EIF3K: variants seen among roughly 807,000 people sequenced by gnomAD.
EIF3K encodes the protein eukaryotic translation initiation factor 3 subunit K, also known as eIF-3 p28.
EIF3K carries 27 observed loss-of-function variants against 34.2 expected under a neutral mutation model. The ratio of observed to expected loss-of-function variants is 0.79; its 90% CI spans 0.58 to 1.09. EIF3K has a LOEUF of 1.09. EIF3K is among the 50% of genes least tolerant of loss of function. The probability of loss-of-function intolerance (pLI) is 0.00; values close to 1 mark genes in which losing one functional copy is unlikely to be tolerated. For missense variants in EIF3K, 232 were observed against 275.4 expected (o/e 0.84, Z 1.11); for synonymous variants, 105 against 105.7 (o/e 0.99, Z 0.04).
chr19:38,630,055 C>T (rs907020222), intron 4 of EIF3K, among the ~76,000 whole-genome samples: 5 of 152,134 alleles, frequency 3.3e-5, no homozygotes, highest in Admixed American at 3.3e-4. Flanking sequence ...CATGTAGCTG[C>T]CCTGGTCTCC....
chr19:38,619,706 G>C (rs1975796732), intron 1 of EIF3K, among the ~76,000 whole-genome samples: 1 of 152,196 alleles, frequency 6.6e-6, no homozygotes, highest in Non-Finnish European at 1.5e-5. Flanking sequence ...CCTCCTTTGA[G>C]TGCCTCTTAA....
chr19:38,619,791 G>A (rs1975799277), intron 1 of EIF3K, among the ~76,000 whole-genome samples: 1 of 152,238 alleles, frequency 6.6e-6, no homozygotes, highest in African/African-American at 2.4e-5. Context: ...GCTAGGCAAT[G>A]CTGGGAACCA....
chr19:38,628,144 T>G (rs1294619080), intron 4 of EIF3K, among the ~76,000 whole-genome samples: 1 of 152,148 alleles, frequency 6.6e-6, no homozygotes, highest in Non-Finnish European at 1.5e-5. Context: ...CCTCAAGTGA[T>G]CTGCCCGCCT....
intron 2 of EIF3K, among the ~76,000 whole-genome samples, chr19:38,621,571 G>A (rs956782998): frequency 6.6e-6 from 1 of 152,104 alleles, no homozygotes; most frequent in African/African-American, 2.4e-5. Context: ...TATGCTCTAT[G>A]CCAACCAATT....
Position 38,630,352 on chromosome 19 carries a change from T to A in EIF3K, c.355-2078T>A, listed in dbSNP as rs1351283436. ...AATTATTTATTTATTTATTTATTTT[T>A]TTTTTTTTTTGAGATGGAGTCTCGC... On this transcript the variant is annotated intron_variant, in intron 4 of 7. Transcript: ENST00000248342. 7.1e-4 allele frequency among the ~76,000 whole-genome samples: 106 copies of A among 148,782 alleles called. 1 individual carries two copies. The highest frequency in any genetic ancestry group is 6.0e-4 in the Admixed American group (9 of 14,992).
At position 38,620,391 on chromosome 19, in the gene EIF3K, G is replaced by A; in HGVS notation, c.114G>A (p.Lys38=). ...AGCGCTATGTAGAGACGCAGGCCAAGGAAAATGCCTATGATCTGGAAGCCA... is the reference window on the plus strand; with the variant it reads ...AGCGCTATGTAGAGACGCAGGCCAAAGAAAATGCCTATGATCTGGAAGCCA... ...TLERYVETQA[K]ENAYDLEANL... Residue 38 remains lysine, a synonymous_variant, in exon 2 of 8, where the codon AAG becomes AAA. Transcript: ENST00000248342. The A allele has an allele frequency of 6.2e-7, 1 of 1,614,074 alleles. No homozygotes were observed. The highest frequency in any genetic ancestry group is 1.1e-5 in the South Asian group (1 of 91,068).
intron 2 of EIF3K, among the ~76,000 whole-genome samples, chr19:38,621,197 T>TAAA (rs34987023): frequency 1.7e-5 from 2 of 120,072 alleles, no homozygotes; most frequent in African/African-American, 6.2e-5. Context: ...CCCCTCTTTT[T>TAAA]AAAAAAAAAA....
chr19:38,620,843 A>C (rs894342005), intron 2 of EIF3K, among the ~76,000 whole-genome samples: 3 of 152,032 alleles, frequency 2.0e-5, no homozygotes, highest in Non-Finnish European at 4.4e-5. Flanking sequence ...GTGGTGAACC[A>C]AGATCGCGCC....
chr19:38,630,258 A>G (rs1976032272), intron 4 of EIF3K, among the ~76,000 whole-genome samples: 1 of 149,938 alleles, frequency 6.7e-6, no homozygotes, highest in South Asian at 2.1e-4. Context: ...GGTTCAAGTG[A>G]TTCTTCTGCC....
At chr19:38,627,191 G>A (rs1434134267) in intron 4 of EIF3K, among the ~76,000 whole-genome samples, 7 of 151,898 alleles carry the variant, frequency 4.6e-5, no homozygotes, top group Admixed American at 4.6e-4. Context: ...TTGCCATGTT[G>A]TCCAGGCTGG....
intron 4 of EIF3K, among the ~76,000 whole-genome samples, chr19:38,629,260 TTTG>T (rs1428615380): frequency 6.7e-6 from 1 of 148,558 alleles, no homozygotes; most frequent in African/African-American, 2.5e-5. Context: ...ACAGGTTTTT[TTTG>T]TTTGTTTGTT....
At chr19:38,635,365 G>A (rs1976167791) in intron 7 of EIF3K, 1 of 541,360 alleles carries the variant, frequency 1.8e-6, no homozygotes, top group Non-Finnish European at 3.3e-6. Context: ...AAGACTTCCT[G>A]GGGCCCAGCG....
intron 4 of EIF3K, among the ~76,000 whole-genome samples, chr19:38,627,607 C>A (rs973534849): frequency 6.6e-6 from 1 of 151,614 alleles, no homozygotes; most frequent in Non-Finnish European, 1.5e-5. Flanking sequence ...CAACCTCACC[C>A]AGAGGTTATG....
At chr19:38,632,301 A>G in intron 4 of EIF3K, 129 bp from the exon 5 acceptor site, 1 of 814,038 alleles carries the variant, frequency 1.2e-6, no homozygotes, top group Non-Finnish European at 2.0e-6. Context: ...TGAGGCAGGA[A>G]GATCACTTGA....
At chr19:38,622,040 G>C (rs1047903512) in intron 2 of EIF3K, among the ~76,000 whole-genome samples, 1 of 151,236 alleles carries the variant, frequency 6.6e-6, no homozygotes, top group Non-Finnish European at 1.5e-5. Flanking sequence ...TGAATAGCTG[G>C]GACTACAGGC....
chr19:38,635,325 G>A (rs995134242), intron 7 of EIF3K: 8 of 706,324 alleles, frequency 1.1e-5, no homozygotes, highest in Non-Finnish European at 1.9e-5. Context: ...GGAACTTCTA[G>A]GCCCTGTGTC....
rs1976088226 is a variant in EIF3K, at chr19:38,632,390, T to G, written c.355-40T>G. The G allele has an allele frequency of 3.2e-6, 5 of 1,582,246 alleles. No homozygotes were observed. In the East Asian group the frequency reaches 9.0e-5, roughly 28 times the overall value. ...ATAAATAAAAATAAAAGCAAATAAT[T>G]TAAAAGAATAAACATTGTGAACATC... On this transcript the variant is annotated intron_variant, in intron 4 of 7. Transcript: ENST00000248342.
intron 2 of EIF3K, among the ~76,000 whole-genome samples, chr19:38,623,545 T>C (rs1272962985): frequency 6.6e-6 from 1 of 152,184 alleles, no homozygotes; most frequent in Non-Finnish European, 1.5e-5. Context: ...TCTCAGGTGA[T>C]CCGCCCATCT....
At chr19:38,635,521 CCA>C (rs1976171456) in intron 7 of EIF3K, 2 of 278,572 alleles carry the variant, frequency 7.2e-6, no homozygotes, top group East Asian at 1.2e-4. Flanking sequence ...TTGGGTGATT[CCA>C]CATTTTTGTG....
Sources: allele counts gnomAD v4.1 joint callset (sites outside exome capture counted in the v4.1 genomes callset), GRCh38; gene constraint gnomAD v4.1.1; transcripts MANE v1.5; gene names NCBI Gene and HGNC (gene_info 2026-07-23, HGNC 2026-07-21).